The following SRPRB variants were observed in gnomAD, a reference collection of about 807,000 sequenced individuals.
SRPRB encodes signal recognition particle receptor subunit beta.
A neutral mutation model predicts 31.9 loss-of-function variants in SRPRB; 20 were observed. The observed-to-expected ratio is 0.63, with a 90% CI of 0.44 to 0.91. SRPRB has a LOEUF of 0.91. Among genes scored for constraint, SRPRB ranks in the 40% least tolerant of loss-of-function variants. The pLI is 0.00. For missense variants in SRPRB, 321 were observed against 324.9 expected (o/e 0.99, Z 0.09); for synonymous variants, 146 against 132.8 (o/e 1.10, Z -0.68).
rs1576386800 is a variant in SRPRB at position 133,820,708 on chromosome 3, C to G, written c.*942C>G. ...TGATGTTTTTTGCTGTCTTCTTAAACACAAGGCTTTTTTGAATGATTAGTA... is the reference window on the plus strand; with the variant it reads ...TGATGTTTTTTGCTGTCTTCTTAAAGACAAGGCTTTTTTGAATGATTAGTA... On this transcript the variant is annotated 3_prime_UTR_variant, in exon 7 of 7. Transcript: ENST00000678299. The G allele has an allele frequency of 6.6e-6, 1 of 151,502 alleles. No homozygotes were observed. The highest frequency in any genetic ancestry group is 2.4e-5 in the African/African-American group (1 of 41,258). 9.4% of individuals were successfully genotyped at this position (151,502 alleles called of 1,614,324 possible).
chr3:133,806,605 A>G lies in SRPRB; in HGVS notation c.155-4A>G. The stretch of plus-strand genomic sequence containing the variant: ...TTTGTTGTTTTTCTCTGTCTATTCC[A>G]CAGTCTTCTGGAAGTTAATCCGGAG... On this transcript the variant is annotated splice_polypyrimidine_tract_variant and splice_region_variant and intron_variant, in intron 1 of 6. Coordinates refer to ENST00000678299, the MANE Select transcript of SRPRB (RefSeq NM_001379313.1). The G allele has an allele frequency of 9.9e-6, 16 of 1,613,416 alleles. No individual in the cohort carries two copies. The highest frequency in any genetic ancestry group is 1.4e-5 in the Non-Finnish European group (16 of 1,179,390).
chr3:133,791,734 C>T (rs910474004), intron 1 of SRPRB: 1 of 152,144 alleles, frequency 6.6e-6, no homozygotes, highest in Non-Finnish European at 1.5e-5. Context: ...GACCTTGTAA[C>T]CATGTGGCCA....
At chr3:133,811,407 G>A (rs576412870) in intron 4 of SRPRB, among the ~76,000 whole-genome samples, 20 of 152,130 alleles carry the variant, frequency 1.3e-4, no homozygotes, top group African/African-American at 3.9e-4. Context: ...CTTAAAAAGT[G>A]TTTTTTAGTG....
rs755671288 is a variant in SRPRB at position 133,819,609 on chromosome 3, C to T, written c.659C>T (p.Thr220Ile). 1.4e-5 allele frequency: 22 copies of T among 1,614,218 alleles called. No individual in the cohort carries two copies. In the South Asian group the frequency reaches 2.2e-4, roughly 16 times the overall value. ...AAPSTLDSSS[T>I]APAQLGKKGK... The stretch of plus-strand genomic sequence containing the variant: ...CCCAGCACACTGGACAGTTCCAGCA[C>T]TGCCCCTGCTCAGCTGGGGAAGAAA... The change falls in exon 7 of 7, where the codon ACT becomes ATT. Residue 220 changes from threonine (T) to isoleucine (I), a missense_variant. Thr to Ile is a moderately conservative substitution (Grantham distance 89, BLOSUM62 -1). Coordinates refer to ENST00000678299, the MANE Select transcript of SRPRB (RefSeq NM_001379313.1).
At chr3:133,803,169 C>G (rs879615698), upstream of SRPRB, among the ~76,000 whole-genome samples, 2 of 152,160 alleles carry the variant, frequency 1.3e-5, no homozygotes, top group African/African-American at 2.4e-5. Flanking sequence ...GCTGGTCTCT[C>G]TGTCTGAAGT....
chr3:133,806,051 G>C, intron 1 of SRPRB, 49 bp downstream of exon 1: 3 of 1,589,990 alleles, frequency 1.9e-6, no homozygotes, highest in Non-Finnish European at 2.6e-6. Context: ...GCAGAGGTCC[G>C]GGCTTTGGCT....
intron 5 of SRPRB, among the ~76,000 whole-genome samples, chr3:133,816,486 T>G (rs1388055038): frequency 1.3e-5 from 2 of 152,230 alleles, no homozygotes. Flanking sequence ...GGAAACATGC[T>G]AAGTTTACTT....
At chr3:133,819,451 T>A in intron 6 of SRPRB, 102 bp from the exon 7 acceptor site, 1 of 1,064,274 alleles carries the variant, frequency 9.4e-7, no homozygotes, top group African/African-American at 1.6e-5. Flanking sequence ...TTGGCAATTC[T>A]ATAGTTAAGT....
At chr3:133,818,538 A>G (rs780097830) in intron 6 of SRPRB, among the ~76,000 whole-genome samples, 6 of 152,192 alleles carry the variant, frequency 3.9e-5, no homozygotes, top group Non-Finnish European at 2.9e-5. Context: ...AACACGGTAT[A>G]TTATATTTAC....
At chr3:133,791,306 A>G (rs1331016937) in intron 1 of SRPRB, 4 of 152,094 alleles carry the variant, frequency 2.6e-5, no homozygotes, top group Non-Finnish European at 5.9e-5. Context: ...CTGTCTGCCC[A>G]TTTTCTCCAA....
chr3:133,806,146 C>T (rs969549843), intron 1 of SRPRB, 144 bp downstream of exon 1: 10 of 1,126,466 alleles, frequency 8.9e-6, no homozygotes, highest in East Asian at 5.4e-5. Flanking sequence ...TACACCCCAC[C>T]CTCTCTCCTG....
intron 1 of SRPRB, among the ~76,000 whole-genome samples, chr3:133,798,713 G>A (rs1468779480): frequency 6.6e-6 from 1 of 152,084 alleles, no homozygotes; most frequent in Non-Finnish European, 1.5e-5. Context: ...ACATAAAATT[G>A]CATGATCTCA....
intron 2 of SRPRB, among the ~76,000 whole-genome samples, chr3:133,807,390 C>G (rs1348545632): frequency 6.6e-6 from 1 of 151,634 alleles, no homozygotes; most frequent in African/African-American, 2.4e-5. Context: ...GTAGCTGGGA[C>G]TACAGGCGTG....
At chr3:133,814,432 GT>G (rs1160708604) in intron 4 of SRPRB, among the ~76,000 whole-genome samples, 3 of 143,050 alleles carry the variant, frequency 2.1e-5, no homozygotes, top group South Asian at 2.3e-4. Flanking sequence ...CGCCTGGCCG[GT>G]TTTTTTGTTT....
chr3:133,826,321 G>C (rs1195944514), downstream of SRPRB: 3 of 152,260 alleles, frequency 2.0e-5, no homozygotes, highest in Non-Finnish European at 4.4e-5. Context: ...GGCCAGGATG[G>C]AAACACAGTC....
chr3:133,805,902 C>T lies in SRPRB; in HGVS notation c.54C>T (p.Thr18=). 6.2e-7 allele frequency: 1 copy of T among 1,613,778 alleles called. No homozygotes were observed. The highest frequency in any genetic ancestry group is 8.5e-7 in the Non-Finnish European group (1 of 1,179,782). The part of the protein sequence containing the change: ...RVADGGGAGG[T]FQPYLDTLRQ... Reference sequence around the variant, plus strand: ...CAGATGGCGGCGGTGCCGGGGGCACCTTCCAGCCCTACCTAGACACCTTGC... The same window carrying T: ...CAGATGGCGGCGGTGCCGGGGGCACTTTCCAGCCCTACCTAGACACCTTGC... The change falls in exon 1 of 7, where the codon ACC becomes ACT. Residue 18 remains threonine, a synonymous_variant. Coordinates refer to ENST00000678299, the MANE Select transcript of SRPRB (RefSeq NM_001379313.1).
At position 133,819,718 on chromosome 3, in the gene SRPRB, C is replaced by T. The variant is rs1935435365; in HGVS notation, c.768C>T (p.Gly256=). 6.8e-6 allele frequency: 11 copies of T among 1,614,148 alleles called. No individual in the cohort carries two copies. Among genetic ancestry groups the T allele is most frequent in the Non-Finnish European group, 9.3e-6 (11 of 1,180,014 alleles). Residue 256 remains glycine (G), a synonymous_variant, in exon 7 of 7, where the codon GGC becomes GGT. Transcript: ENST00000678299. ...CSAKGGRGDV[G]SADIQDLEKW... ...CCAAGGGTGGAAGAGGGGACGTGGG[C>T]TCTGCTGACATCCAGGACTTGGAGA...
rs1935153063 is a variant in SRPRB, at chr3:133,806,145, C to T, written c.154+143C>T. ...TGAGACCCACCCAGTCTACACCCCA[C>T]CCTCTCTCCTGAAGCAGCGGCAGCA... On this transcript the variant is annotated intron_variant, in intron 1 of 6. Transcript: ENST00000678299. The T allele has an allele frequency of 6.2e-6, 7 of 1,131,548 alleles. No individual in the cohort carries two copies. The East Asian group carries it at 1.3e-4, about 22-fold the overall frequency. 70.1% of individuals were successfully genotyped at this position (1,131,548 alleles called of 1,614,324 possible). A position where few individuals can be genotyped will look rare whatever the true frequency, so the allele number is the denominator to read the frequency against.
At chr3:133,804,926 C>G (rs1464719391), upstream of SRPRB, among the ~76,000 whole-genome samples, 1 of 152,188 alleles carries the variant, frequency 6.6e-6, no homozygotes, top group Non-Finnish European at 1.5e-5. Context: ...CTGGGACCCT[C>G]TAGGCTGGCC....
Sources: allele counts gnomAD v4.1 joint callset (sites outside exome capture counted in the v4.1 genomes callset), GRCh38; gene constraint gnomAD v4.1.1; transcripts MANE v1.5; gene names NCBI Gene and HGNC (gene_info 2026-07-23, HGNC 2026-07-21).